RIMS1: variants seen among roughly 807,000 people sequenced by gnomAD.
The protein encoded by RIMS1 is regulating synaptic membrane exocytosis protein 1.
In RIMS1, 83 loss-of-function variants were observed where a neutral mutation model predicts 214.1. The ratio of observed to expected loss-of-function variants is 0.39; its 90% CI spans 0.32 to 0.47. The LOEUF (loss-of-function observed/expected upper bound fraction) is 0.47, where lower values mean the gene tolerates loss of function less well. Among genes scored for constraint, RIMS1 ranks in the 20% least tolerant of loss-of-function variants. The probability of loss-of-function intolerance (pLI) is 0.99; values close to 1 mark genes in which losing one functional copy is unlikely to be tolerated. For missense variants in RIMS1, 2,050 were observed against 2,161.8 expected (o/e 0.95, Z 1.03); for synonymous variants, 793 against 786.8 (o/e 1.01, Z -0.13).
At chr6:71,887,277 G>T (rs1338147994) in intron 1 of RIMS1, 90 bp downstream of exon 1, 1 of 1,499,414 alleles carries the variant, frequency 6.7e-7, no homozygotes, top group Non-Finnish European at 9.1e-7. Flanking sequence ...GCTGAGTGTG[G>T]GGAAGGGGCT....
intron 16 of RIMS1, 68 bp from the exon 17 acceptor site, chr6:72,258,057 A>G (rs564329488): frequency 1.5e-6 from 2 of 1,367,368 alleles, no homozygotes; most frequent in East Asian, 2.4e-5. Context: ...ATAATTTTAT[A>G]TTCCTGTGTT....
intron 33 of RIMS1, 67 bp from the exon 34 acceptor site, chr6:72,400,429 G>T (rs1479024418): frequency 7.4e-7 from 1 of 1,359,942 alleles, no homozygotes; most frequent in East Asian, 2.3e-5. Context: ...CAGCATAGTT[G>T]CTTTGAGCCC....
chr6:72,384,730 A>C (rs933458522), intron 29 of RIMS1, among the ~76,000 whole-genome samples: 3 of 152,142 alleles, frequency 2.0e-5, no homozygotes, highest in Non-Finnish European at 4.4e-5. Flanking sequence ...AATATATTCT[A>C]TCTCTCTATC....
At chr6:72,262,348 G>A in intron 19 of RIMS1, 1 of 975,450 alleles carries the variant, frequency 1.0e-6, no homozygotes, top group South Asian at 4.7e-5. Flanking sequence ...TGCATTTCCT[G>A]ATTTAAGCAA....
In RIMS1 at chr6:71,938,257, T is replaced by C. The variant is rs142377784; in HGVS notation, c.165-30726T>C. On this transcript the variant is annotated intron_variant, in intron 1 of 33. Transcript: ENST00000521978. ...TGCCTGCAGTCTTCCCATGCTAGAGTTGCATGCTGGTGGTGGATGTACTGT... is the reference window on the plus strand; with the variant it reads ...TGCCTGCAGTCTTCCCATGCTAGAGCTGCATGCTGGTGGTGGATGTACTGT... Among the ~76,000 whole-genome samples the C allele has an allele frequency of 6.5e-3, 991 of 152,050 alleles. 3 individuals are homozygous for C. Among genetic ancestry groups the C allele is most frequent in the South Asian group, 0.018 (89 of 4,812 alleles).
chr6:72,064,879 G>C (rs1828889618), intron 2 of RIMS1, among the ~76,000 whole-genome samples: 1 of 152,108 alleles, frequency 6.6e-6, no homozygotes, highest in Admixed American at 6.5e-5. Context: ...CCTGCATTTT[G>C]TTCCTGTTTT....
At position 72,251,297 on chromosome 6, in the gene RIMS1, C is replaced by G. The variant is rs2154136390; in HGVS notation, c.2627C>G (p.Pro876Arg). ...CAGACACATGATGAGTCTTCACTAC[C>G]TCTGCCTCAGCCATCACCTTTCATG... ...KLQTHDESSL[P>R]LPQPSPFMPR... Residue 876 changes from proline (P) to arginine (R), a missense_variant, in exon 15 of 34, where the codon CCT becomes CGT. This residue lies in a region of RIMS1 where 889 missense variants were observed against 885.5 expected (regional missense o/e 1.00). Transcript: ENST00000521978. 1.3e-6 allele frequency: 2 copies of G among 1,599,942 alleles called. No homozygotes were observed. Among genetic ancestry groups the G allele is most frequent in the Admixed American group, 3.4e-5 (2 of 58,380 alleles).
chr6:72,136,179 C>T (rs2041246570), intron 4 of RIMS1, among the ~76,000 whole-genome samples: 1 of 151,844 alleles, frequency 6.6e-6, no homozygotes, highest in African/African-American at 2.4e-5. Flanking sequence ...TTAAGAAAAA[C>T]AAATAGAATG....
At chr6:72,331,805 AACTG>A (rs2096668697) in intron 28 of RIMS1, among the ~76,000 whole-genome samples, 1 of 151,872 alleles carries the variant, frequency 6.6e-6, no homozygotes. Context: ...GTTAATGAAA[AACTG>A]ACTGGAATAA....
At chr6:71,900,183 G>A (rs1773163637) in intron 1 of RIMS1, among the ~76,000 whole-genome samples, 1 of 152,042 alleles carries the variant, frequency 6.6e-6, no homozygotes, top group East Asian at 1.9e-4. Flanking sequence ...AGGCAAATAG[G>A]GGTGAAGTAC....
intron 2 of RIMS1, among the ~76,000 whole-genome samples, chr6:72,013,513 G>T (rs2151883645): frequency 6.6e-6 from 1 of 152,230 alleles, no homozygotes. Flanking sequence ...GGGAACATAT[G>T]ATGACAATAT....
intron 29 of RIMS1, among the ~76,000 whole-genome samples, chr6:72,348,693 T>C (rs1182929908): frequency 2.0e-5 from 3 of 151,920 alleles, no homozygotes; most frequent in Non-Finnish European, 4.4e-5. Flanking sequence ...GTAAACACTG[T>C]ACCCGATAGG....
In RIMS1 at chr6:72,363,036, A is replaced by C. The variant is rs80331303; in HGVS notation, c.4367-27562A>C. Reference sequence around the variant, plus strand: ...GAAACAGGATGGTCATCTCAAATGCATTAAATGTTATGAAGAGGTATAGGG... The same window carrying C: ...GAAACAGGATGGTCATCTCAAATGCCTTAAATGTTATGAAGAGGTATAGGG... On this transcript the variant is annotated intron_variant, in intron 29 of 33. Transcript: ENST00000521978. 7.4e-3 allele frequency among the ~76,000 whole-genome samples: 1,124 copies of C among 152,304 alleles called. 14 individuals carry two copies. The highest frequency in any genetic ancestry group is 0.026 in the African/African-American group (1,076 of 41,570).
At chr6:71,976,432 A>C (rs1253570858) in intron 2 of RIMS1, among the ~76,000 whole-genome samples, 1 of 152,072 alleles carries the variant, frequency 6.6e-6, no homozygotes, top group Non-Finnish European at 1.5e-5. Flanking sequence ...ATCTTTCAAA[A>C]TATGTGTTAT....
chr6:72,252,420 G>A (rs2073827670), intron 15 of RIMS1, among the ~76,000 whole-genome samples: 2 of 152,078 alleles, frequency 1.3e-5, no homozygotes, highest in South Asian at 2.1e-4. Flanking sequence ...TCTCTGAACT[G>A]CAGAGGAAAG....
chr6:72,050,882 T>C (rs1824449376), intron 2 of RIMS1, among the ~76,000 whole-genome samples: 1 of 152,182 alleles, frequency 6.6e-6, no homozygotes, highest in Non-Finnish European at 1.5e-5. Flanking sequence ...CCTTGCCAAA[T>C]GGTGGGAATG....
At chr6:71,900,630 T>G (rs1398241750) in intron 1 of RIMS1, among the ~76,000 whole-genome samples, 1 of 152,046 alleles carries the variant, frequency 6.6e-6, no homozygotes, top group Admixed American at 6.6e-5. Context: ...ACAACTGTTA[T>G]TGTTGTTTTA....
At chr6:71,931,615 T>C (rs1408150892) in intron 1 of RIMS1, among the ~76,000 whole-genome samples, 2 of 152,030 alleles carry the variant, frequency 1.3e-5, no homozygotes. Context: ...CTTGTAAATT[T>C]GTTTAAGTTC....
intron 4 of RIMS1, among the ~76,000 whole-genome samples, chr6:72,125,509 T>C (rs1320731250): frequency 6.6e-6 from 1 of 152,212 alleles, no homozygotes; most frequent in Non-Finnish European, 1.5e-5. Context: ...GATCCACTGC[T>C]CTTTTCAGAG....
Sources: allele counts gnomAD v4.1 joint callset (sites outside exome capture counted in the v4.1 genomes callset), GRCh38; gene constraint gnomAD v4.1.1; regional missense constraint gnomAD v4.1.1; transcripts MANE v1.5; gene names NCBI Gene and HGNC (gene_info 2026-07-23, HGNC 2026-07-21).